The following LPP variants were observed in gnomAD, a reference collection of about 807,000 sequenced individuals.
LPP encodes LIM domain containing preferred translocation partner in lipoma, also known as lipoma-preferred partner.
In LPP, 38 loss-of-function variants were observed where a neutral mutation model predicts 60.4. The observed-to-expected ratio is 0.63, with a 90% CI of 0.49 to 0.83. The LOEUF (loss-of-function observed/expected upper bound fraction) is 0.83, where lower values mean the gene tolerates loss of function less well. LPP is among the 40% of genes least tolerant of loss of function. The pLI, the probability that LPP is intolerant of heterozygous loss-of-function variation, is 0.00. For synonymous variants in LPP, 328 were observed against 290.8 expected, an observed-to-expected ratio of 1.13 and a Z score of -1.30; for missense variants, 902 against 783.6, an observed-to-expected ratio of 1.15 and a Z score of -1.80.
chr3:188,590,876 A>G (rs1002240202), intron 6 of LPP, among the ~76,000 whole-genome samples: 40 of 152,216 alleles, frequency 2.6e-4, no homozygotes, highest in African/African-American at 9.6e-4. Flanking sequence ...AAACTGAGTC[A>G]GTTTAGTGCT....
At chr3:188,368,686 A>T (rs1054201922) in intron 3 of LPP, among the ~76,000 whole-genome samples, 2 of 95,082 alleles carry the variant, frequency 2.1e-5, no homozygotes, top group African/African-American at 1.1e-4. Flanking sequence ...ACACTCTCAC[A>T]CACACACACA....
At chr3:188,799,953 T>A (rs560378005) in intron 9 of LPP, among the ~76,000 whole-genome samples, 13 of 152,328 alleles carry the variant, frequency 8.5e-5, no homozygotes, top group African/African-American at 3.1e-4. Flanking sequence ...GAATTTGTTG[T>A]GTATTATAAA....
intron 6 of LPP, among the ~76,000 whole-genome samples, chr3:188,599,751 G>GGTGT (rs71169011): frequency 0.27 from 37,822 of 139,576 alleles, 5,329 homozygotes; most frequent in Non-Finnish European, 0.33. Flanking sequence ...ACTCGTTAGG[G>GGTGT]GTGTGTGTGT....
In LPP at chr3:188,373,203, A is replaced by G. The variant is rs1048750618; in HGVS notation, c.-10+31484A>G. Among the ~76,000 whole-genome samples the G allele has an allele frequency of 4.6e-5, 7 of 152,300 alleles. No homozygotes were observed. In the East Asian group the frequency reaches 5.8e-4, roughly 13 times the overall value. ...TGTCTTTATAGCAGCATGATTTATAATCCTTTGGGTATAAACCCAGTAATG... is the reference window on the plus strand; with the variant it reads ...TGTCTTTATAGCAGCATGATTTATAGTCCTTTGGGTATAAACCCAGTAATG... On this transcript the variant is annotated intron_variant, in intron 3 of 11. Coordinates refer to ENST00000617246, the MANE Select transcript of LPP (RefSeq NM_001375462.1).
intron 6 of LPP, among the ~76,000 whole-genome samples, chr3:188,540,234 C>A (rs982310099): frequency 6.6e-6 from 1 of 152,034 alleles, no homozygotes; most frequent in African/African-American, 2.4e-5. Flanking sequence ...ATCTCTCATG[C>A]CCATTCTATC....
In LPP at chr3:188,840,246, C is replaced by G. The variant is rs537144944; in HGVS notation, c.1411-25954C>G. 9.2e-5 allele frequency among the ~76,000 whole-genome samples: 14 copies of G among 152,116 alleles called. 1 individual carries two copies. In the South Asian group the frequency reaches 2.9e-3, roughly 32 times the overall value. ...TCAGATCTTTGTTGTATCTTTGTTCCGTTTAGAAACCAGTATCTGGGAATT... is the reference window on the plus strand; with the variant it reads ...TCAGATCTTTGTTGTATCTTTGTTCGGTTTAGAAACCAGTATCTGGGAATT... On this transcript the variant is annotated intron_variant, in intron 9 of 11. Coordinates refer to ENST00000617246, the MANE Select transcript of LPP (RefSeq NM_001375462.1).
chr3:188,429,509 T>C (rs1158474430), intron 4 of LPP, among the ~76,000 whole-genome samples: 2 of 152,212 alleles, frequency 1.3e-5, no homozygotes, highest in Non-Finnish European at 2.9e-5. Context: ...AGTGAGCATA[T>C]GTTTTATTTA....
intron 3 of LPP, among the ~76,000 whole-genome samples, chr3:188,345,876 G>C (rs554890246): frequency 6.6e-6 from 1 of 152,324 alleles, no homozygotes; most frequent in Non-Finnish European, 1.5e-5. Context: ...GTAGAAATCA[G>C]TTGACTGAGT....
At chr3:188,317,324 G>A (rs750583656) in intron 2 of LPP, among the ~76,000 whole-genome samples, 10 of 151,574 alleles carry the variant, frequency 6.6e-5, no homozygotes, top group Admixed American at 2.0e-4. Flanking sequence ...TTAATGGTGT[G>A]TTATTATTCA....
At chr3:188,383,086 T>G (rs556734542) in intron 3 of LPP, among the ~76,000 whole-genome samples, 2 of 152,374 alleles carry the variant, frequency 1.3e-5, no homozygotes, top group South Asian at 4.1e-4. Flanking sequence ...TGCTCTGCAC[T>G]AAGGCATACT....
intron 9 of LPP, among the ~76,000 whole-genome samples, chr3:188,839,923 T>A (rs940437259): frequency 1.3e-5 from 2 of 152,066 alleles, no homozygotes; most frequent in Non-Finnish European, 2.9e-5. Flanking sequence ...AAAGAGTAAG[T>A]TGCTCAACTT....
chr3:188,241,834 T>G (rs1724989529), intron 2 of LPP, among the ~76,000 whole-genome samples: 1 of 152,140 alleles, frequency 6.6e-6, no homozygotes, highest in African/African-American at 2.4e-5. Context: ...CTTCAAAGAG[T>G]AATGGTGGGG....
chr3:188,255,215 C>T (rs1249247232), intron 2 of LPP, among the ~76,000 whole-genome samples: 2 of 152,204 alleles, frequency 1.3e-5, no homozygotes. Context: ...GCTGAAGACT[C>T]TGCTGGATGC....
At chr3:188,254,112 T>G (rs1165344667) in intron 2 of LPP, among the ~76,000 whole-genome samples, 1 of 152,224 alleles carries the variant, frequency 6.6e-6, no homozygotes, top group East Asian at 1.9e-4. Flanking sequence ...CCTCATGAAT[T>G]TTAATGACTA....
intron 7 of LPP, among the ~76,000 whole-genome samples, chr3:188,702,401 T>C (rs926563582): frequency 7.9e-5 from 12 of 151,930 alleles, no homozygotes; most frequent in African/African-American, 2.4e-4. Flanking sequence ...CTACAGGTCA[T>C]CTTTTTTTGG....
chr3:188,251,253 C>T (rs1251098905), intron 2 of LPP, among the ~76,000 whole-genome samples: 1 of 151,426 alleles, frequency 6.6e-6, no homozygotes, highest in African/African-American at 2.4e-5. Flanking sequence ...CAAGTTGGCT[C>T]CTGTGTCCTT....
At chr3:188,459,770 G>A (rs887494662) in intron 4 of LPP, among the ~76,000 whole-genome samples, 2 of 152,018 alleles carry the variant, frequency 1.3e-5, no homozygotes, top group Admixed American at 6.6e-5. Flanking sequence ...CCCAATATCT[G>A]ATTATTATCA....
At chr3:188,600,733 A>G (rs1346325450) in intron 6 of LPP, among the ~76,000 whole-genome samples, 2 of 152,098 alleles carry the variant, frequency 1.3e-5, no homozygotes, top group African/African-American at 4.8e-5. Flanking sequence ...TCCCATGGCA[A>G]TCACCATTCT....
chr3:188,813,143 C>T (rs112187057), intron 9 of LPP, among the ~76,000 whole-genome samples: 151 of 152,118 alleles, frequency 9.9e-4, no homozygotes, highest in African/African-American at 3.2e-3. Context: ...ATAGAATTTA[C>T]GAATCGAATT....
Sources: gnomAD v4.1 joint callset for allele counts (sites outside exome capture counted in the v4.1 genomes callset) on GRCh38, gnomAD v4.1.1 for gene constraint, MANE v1.5 for transcripts, NCBI Gene and HGNC (gene_info 2026-07-23, HGNC 2026-07-21) for gene names.